The following PCCA variants were observed in gnomAD, a reference collection of about 807,000 sequenced individuals.
PCCA encodes the protein propionyl-CoA carboxylase subunit alpha.
A neutral mutation model predicts 101.3 loss-of-function variants in PCCA; 74 were observed. The ratio of observed to expected loss-of-function variants is 0.73; its 90% CI spans 0.61 to 0.89. The LOEUF is 0.89. PCCA is among the 40% of genes least tolerant of loss of function. PCCA has a pLI of 0.00. For synonymous variants in PCCA, 294 were observed against 313.6 expected (o/e 0.94, Z 0.66); for missense variants, 891 against 907.0 (o/e 0.98, Z 0.23).
rs559635594 is a variant in PCCA, at chr13:100,499,250, C to T, written c.1900-16177C>T. Among the ~76,000 whole-genome samples the T allele has an allele frequency of 5.9e-5, 9 of 152,298 alleles. No homozygotes were observed. The South Asian group carries it at 6.2e-4, about 11-fold the overall frequency. On this transcript the variant is annotated intron_variant, in intron 21 of 23. Transcript: ENST00000376285. ...ATAAGACTTCTCCTTTGTCAGCATC[C>T]GCGCTCACATAACTGGTGAAACTAG...
chr13:100,198,468 G>GTTCGTTCA (rs1234052135), intron 6 of PCCA: 19 of 149,256 alleles, frequency 1.3e-4, no homozygotes, highest in Admixed American at 2.7e-4. Flanking sequence ...CAGTTGCCAC[G>GTTCGTTCA]TTCATTCATT....
intron 10 of PCCA, among the ~76,000 whole-genome samples, chr13:100,265,729 G>A (rs543274655): frequency 6.6e-6 from 1 of 151,438 alleles, no homozygotes; most frequent in African/African-American, 2.4e-5. Context: ...TCCCTCCTTC[G>A]CTCCCTCCCT....
intron 19 of PCCA, among the ~76,000 whole-genome samples, chr13:100,368,835 C>CT (rs1447400521): frequency 6.6e-6 from 1 of 152,152 alleles, no homozygotes; most frequent in African/African-American, 2.4e-5. Context: ...AGAAGTAATA[C>CT]TTTTGCCTTT....
At chr13:100,371,951 T>G (rs1290575955) in intron 19 of PCCA, among the ~76,000 whole-genome samples, 2 of 152,210 alleles carry the variant, frequency 1.3e-5, no homozygotes, top group Non-Finnish European at 2.9e-5. Flanking sequence ...CTTTTCAACA[T>G]GAATAAATTT....
At chr13:100,102,632 G>A (rs2047376713) in intron 1 of PCCA, among the ~76,000 whole-genome samples, 1 of 152,146 alleles carries the variant, frequency 6.6e-6, no homozygotes, top group Non-Finnish European at 1.5e-5. Context: ...CTTCAAATTT[G>A]CTTGGCCCCT....
At chr13:100,499,909 C>CAG (rs3058409) in intron 21 of PCCA, among the ~76,000 whole-genome samples, 35,745 of 151,994 alleles carry the variant, frequency 0.24, 5,032 homozygotes, top group East Asian at 0.55. Context: ...TTATTGGCCA[C>CAG]AGTTTTGAAG....
chr13:100,248,952 C>A (rs1331258874), intron 8 of PCCA, among the ~76,000 whole-genome samples: 17 of 151,844 alleles, frequency 1.1e-4, no homozygotes, highest in African/African-American at 3.9e-4. Context: ...TGGGGTTTTG[C>A]CATGTTGGCC....
chr13:100,250,693 T>G (rs1208470251), intron 8 of PCCA, among the ~76,000 whole-genome samples: 1 of 152,210 alleles, frequency 6.6e-6, no homozygotes, highest in Non-Finnish European at 1.5e-5. Flanking sequence ...TTGATTGGAT[T>G]CTAGACATTG....
intron 11 of PCCA, among the ~76,000 whole-genome samples, chr13:100,270,571 T>A (rs955349371): frequency 2.6e-5 from 4 of 152,160 alleles, no homozygotes; most frequent in African/African-American, 9.7e-5. Context: ...GAATACCTTA[T>A]CTACTTATTT....
Position 100,368,706 on chromosome 13 carries a change from G to T in PCCA, c.1746+132G>T, listed in dbSNP as rs535050821. Reference sequence around the variant, plus strand: ...TCTATGTATTTTTCATCTTCTTTAGGAAGCTGAATGGAAATGGAAATTTTT... The same window carrying T: ...TCTATGTATTTTTCATCTTCTTTAGTAAGCTGAATGGAAATGGAAATTTTT... On this transcript the variant is annotated intron_variant, in intron 19 of 23. Transcript: ENST00000376285. 54 of 655,548 alleles carry T rather than the reference G, an allele frequency of 8.2e-5. No homozygotes were observed. In the South Asian group the frequency reaches 8.4e-4, roughly 10 times the overall value. The allele number at this position is 655,548 out of a possible 1,614,324, so 40.6% of individuals were successfully genotyped here.
intron 6 of PCCA, among the ~76,000 whole-genome samples, chr13:100,174,853 A>G (rs2056090258): frequency 6.6e-6 from 1 of 152,052 alleles, no homozygotes; most frequent in Admixed American, 6.5e-5. Context: ...ATTCTTTGGA[A>G]AAACTATTGT....
chr13:100,527,592 A>C, intron 22 of PCCA, 83 bp from the exon 23 acceptor site: 1 of 938,972 alleles, frequency 1.1e-6, no homozygotes, highest in Non-Finnish European at 1.8e-6. Context: ...GCATTTGACA[A>C]AGAATTTCTT....
At position 100,298,680 on chromosome 13, in the gene PCCA, T is replaced by C. The variant is rs61969227; in HGVS notation, c.1066-2780T>C. 3.2e-3 allele frequency among the ~76,000 whole-genome samples: 7 copies of C among 2,196 alleles called. 1 individual carries two copies. The highest frequency in any genetic ancestry group is 0.01 in the African/African-American group (6 of 578). The allele number at this position is 2,196 out of a possible 152,430, so 1.4% of individuals were successfully genotyped here. On this transcript the variant is annotated intron_variant, in intron 12 of 23. Coordinates refer to ENST00000376285, the MANE Select transcript of PCCA (RefSeq NM_000282.4). ...CCTCCCTCCCTCCCTCCCTCCTTCCTTCCTTCCTTCCTTCCTTCCTTCCTT... is the reference window on the plus strand; with the variant it reads ...CCTCCCTCCCTCCCTCCCTCCTTCCCTCCTTCCTTCCTTCCTTCCTTCCTT...
At chr13:100,313,819 G>C (rs77972306) in intron 16 of PCCA, among the ~76,000 whole-genome samples, 7,634 of 152,216 alleles carry the variant, frequency 0.05, 292 homozygotes, top group Middle Eastern at 0.095. Context: ...AATTTTTGCA[G>C]TGGCCATTTC....
rs924854046 is a variant in PCCA at position 100,458,997 on chromosome 13, C to T, written c.1899+9692C>T. Among the ~76,000 whole-genome samples, 6 of 152,096 alleles carry T rather than the reference C, an allele frequency of 3.9e-5. No individual in the cohort carries two copies. The East Asian group carries it at 5.8e-4, about 15-fold the overall frequency. On this transcript the variant is annotated intron_variant, in intron 21 of 23. Coordinates refer to ENST00000376285, the MANE Select transcript of PCCA (RefSeq NM_000282.4). ...AAAATCAAGGTGTGGGCAGGGTTGG[C>T]GCCTCCCTAGAGGCTCTTAGGGAGG...
chr13:100,102,695 C>T (rs898011433), intron 1 of PCCA, among the ~76,000 whole-genome samples, 188 bp from the exon 2 acceptor site: 1 of 152,140 alleles, frequency 6.6e-6, no homozygotes, highest in Non-Finnish European at 1.5e-5. Context: ...TTTGGTTTCT[C>T]TTACATACCA....
intron 10 of PCCA, among the ~76,000 whole-genome samples, chr13:100,264,527 A>G (rs1280670419): frequency 6.6e-6 from 1 of 152,112 alleles, no homozygotes; most frequent in Non-Finnish European, 1.5e-5. Flanking sequence ...TTCACACATC[A>G]TCATATCTTT....
In PCCA at chr13:100,364,220, CTG is replaced by C. The variant is rs1378709616; in HGVS notation, c.1644-4250_1644-4249del. Among the ~76,000 whole-genome samples, 6 of 152,192 alleles carry C rather than the reference CTG, an allele frequency of 3.9e-5. No homozygotes were observed. In the East Asian group the frequency reaches 9.6e-4, roughly 24 times the overall value. ...TAGAAATGTACTTCGTTAAAGGAAA[CTG>C]TATCATTACTATGGTGAGTTGAAGT... On this transcript the variant is annotated intron_variant, in intron 18 of 23. Transcript: ENST00000376285.
At chr13:100,127,700 G>C (rs183796890) in intron 4 of PCCA, among the ~76,000 whole-genome samples, 246 of 151,748 alleles carry the variant, frequency 1.6e-3, no homozygotes, top group African/African-American at 5.6e-3. Flanking sequence ...AGACCATCCT[G>C]GCTAACACAG....
Sources: gnomAD v4.1 joint callset for allele counts (sites outside exome capture counted in the v4.1 genomes callset) on GRCh38, gnomAD v4.1.1 for gene constraint, MANE v1.5 for transcripts, NCBI Gene and HGNC (gene_info 2026-07-23, HGNC 2026-07-21) for gene names.